The following CACYBP variants were observed in gnomAD, a reference collection of about 807,000 sequenced individuals.
CACYBP encodes the protein calcyclin binding protein, also known as calcyclin-binding protein.
Under a neutral mutation model 29.6 loss-of-function variants are expected in CACYBP, and 11 were observed. The observed-to-expected ratio is 0.37, with a 90% CI of 0.23 to 0.61. The LOEUF is 0.61. CACYBP is among the 20% of genes least tolerant of loss of function. The pLI is 0.65. For synonymous variants in CACYBP, 73 were observed against 88.3 expected, an observed-to-expected ratio of 0.83 and a Z score of 0.97; for missense variants, 163 against 260.7, an observed-to-expected ratio of 0.63 and a Z score of 2.58.
At chr1:175,001,268 C>A (rs1272430479) in intron 1 of CACYBP, among the ~76,000 whole-genome samples, 1 of 152,138 alleles carries the variant, frequency 6.6e-6, no homozygotes, top group East Asian at 1.9e-4. Flanking sequence ...AGAGATCGTT[C>A]TCAGTTTAGG....
Position 175,008,712 on chromosome 1 carries a change from T to C in CACYBP, c.530+6T>C. On this transcript the variant is annotated splice_donor_region_variant and intron_variant, in intron 5 of 5. Transcript: ENST00000367679. ...AAGGAGTGCAAAGAAAAAGAGTGAG[T>C]CTACTTCCATTTTTTTAAAGAATTT... The C allele has an allele frequency of 7.4e-7, 1 of 1,345,632 alleles. No homozygotes were observed. Among genetic ancestry groups the C allele is most frequent in the South Asian group, 1.2e-5 (1 of 85,456 alleles). 83.4% of individuals were successfully genotyped at this position (1,345,632 alleles called of 1,614,324 possible).
chr1:175,008,974 G>C, intron 5 of CACYBP: 1 of 327,132 alleles, frequency 3.1e-6, no homozygotes, highest in Non-Finnish European at 5.6e-6. Context: ...GAGGGGCTTA[G>C]GTACCCCTGT....
In CACYBP at chr1:175,000,128, T is replaced by C. The variant is rs1489552429; in HGVS notation, c.-53T>C. 5.7e-6 allele frequency: 9 copies of C among 1,581,046 alleles called. No individual in the cohort carries two copies. Among genetic ancestry groups the C allele is most frequent in the Non-Finnish European group, 7.7e-6 (9 of 1,163,084 alleles). ...TTTGAGGGCTCGGCGCGGGGTTTCC[T>C]GTTCCTCCTTCTGCGCGGCTGCAGC... On this transcript the variant is annotated 5_prime_UTR_variant, in exon 1 of 6. Coordinates refer to ENST00000367679, the MANE Select transcript of CACYBP (RefSeq NM_014412.3).
intron 1 of CACYBP, among the ~76,000 whole-genome samples, chr1:175,001,562 T>A (rs1365927378): frequency 6.6e-6 from 1 of 152,236 alleles, no homozygotes; most frequent in Non-Finnish European, 1.5e-5. Flanking sequence ...GCATTTCATA[T>A]AAATGGAGTC....
chr1:175,000,022 GGC>G lies in CACYBP; in HGVS notation c.-157_-156del. 1 of 1,052,072 alleles carries G rather than the reference GGC, an allele frequency of 9.5e-7. No homozygotes were observed. Among genetic ancestry groups the G allele is most frequent in the Non-Finnish European group, 1.4e-6 (1 of 710,094 alleles). 65.2% of individuals were successfully genotyped at this position (1,052,072 alleles called of 1,614,324 possible). A position where few individuals can be genotyped will look rare whatever the true frequency, so the allele number is the denominator to read the frequency against. On this transcript the variant is annotated 5_prime_UTR_variant, in exon 1 of 6. Coordinates refer to ENST00000367679, the MANE Select transcript of CACYBP (RefSeq NM_014412.3). ...GGTTCGAGATCCGTCGCGTGCGGGA[GGC>G]GGGCCGCGATCTTGCGCAGGGTCGG...
At chr1:175,008,541 GT>G in intron 4 of CACYBP, 67 bp from the exon 5 acceptor site, 1 of 802,808 alleles carries the variant, frequency 1.2e-6, no homozygotes, top group South Asian at 1.5e-5. Context: ...ATAGATAATT[GT>G]TTTATAAATA....
rs570317327 is a variant in CACYBP at position 175,008,953 on chromosome 1, C to T, written c.530+247C>T. ...GTGCCCATTCCCAGATACTCTGTTT[C>T]GGTAGTTTGAGAGGGGCTTAGGTAC... On this transcript the variant is annotated intron_variant, in intron 5 of 5. Transcript: ENST00000367679. 23 of 386,674 alleles carry T rather than the reference C, an allele frequency of 5.9e-5. No individual in the cohort carries two copies. The Admixed American group carries it at 7.4e-4, about 12-fold the overall frequency. The allele number at this position is 386,674 out of a possible 1,614,324, so 24.0% of individuals were successfully genotyped here. A position where few individuals can be genotyped will look rare whatever the true frequency, so the allele number is the denominator to read the frequency against.
chr1:175,006,741 C>T lies in CACYBP; in HGVS notation c.236-4C>T, dbSNP rs1306700724. The T allele has an allele frequency of 3.2e-6, 5 of 1,547,284 alleles. No homozygotes were observed. The highest frequency in any genetic ancestry group is 4.5e-6 in the Non-Finnish European group (5 of 1,121,992). ...TACGTCCCATCTTTTGTTGTCGTTG[C>T]CAGGATGGGATCAGTCAGATAAGTT... On this transcript the variant is annotated splice_region_variant and splice_polypyrimidine_tract_variant and intron_variant, in intron 2 of 5. Transcript: ENST00000367679.
In CACYBP at chr1:175,004,697, A is replaced by G; in HGVS notation, c.99A>G (p.Lys33=). ...KRVRDALTAE[K]SKIETEIKNK... is the part of the protein sequence containing the mutation. ...TACGTGATGCCCTTACAGCTGAAAA[A>G]TCCAAGATTGAGACAGAAATCAAGA... Residue 33 remains lysine (K), a synonymous_variant, in exon 2 of 6, where the codon AAA becomes AAG. Transcript: ENST00000367679. 1 of 1,614,028 alleles carries G rather than the reference A, an allele frequency of 6.2e-7. No individual in the cohort carries two copies. The highest frequency in any genetic ancestry group is 1.1e-5 in the South Asian group (1 of 91,076).
intron 2 of CACYBP, among the ~76,000 whole-genome samples, chr1:175,006,098 T>A (rs925829908): frequency 2.6e-5 from 4 of 152,192 alleles, no homozygotes; most frequent in Non-Finnish European, 5.9e-5. Flanking sequence ...TTTCTACAAA[T>A]GTGATGGTAT....
At chr1:175,006,664 A>T in intron 2 of CACYBP, 81 bp from the exon 3 acceptor site, 1 of 676,904 alleles carries the variant, frequency 1.5e-6, no homozygotes, top group Non-Finnish European at 2.6e-6. Flanking sequence ...TACTTTCCTG[A>T]CTTATGAGCC....
At chr1:175,002,945 T>C (rs958108179) in intron 1 of CACYBP, among the ~76,000 whole-genome samples, 4 of 152,198 alleles carry the variant, frequency 2.6e-5, no homozygotes, top group African/African-American at 9.7e-5. Flanking sequence ...TTATTATGAA[T>C]TAGGAGTTGT....
intron 3 of CACYBP, 52 bp from the exon 4 acceptor site, chr1:175,007,046 A>G (rs1452670082): frequency 7.9e-7 from 1 of 1,263,776 alleles, no homozygotes; most frequent in Non-Finnish European, 1.1e-6. Flanking sequence ...CTATGGAGTA[A>G]GGGTACCTTT....
rs1275345326 is a variant in CACYBP, at chr1:175,010,829, G to A, written c.*750G>A. On this transcript the variant is annotated 3_prime_UTR_variant, in exon 6 of 6. Coordinates refer to ENST00000367679, the MANE Select transcript of CACYBP (RefSeq NM_014412.3). ...ACAGTTTTATGATTTATTTGTCTAG[G>A]AGTATGTCAGAAAAATCAGGCTTTT... 6.6e-6 allele frequency: 1 copy of A among 152,086 alleles called. No homozygotes were observed. Among genetic ancestry groups the A allele is most frequent in the Non-Finnish European group, 1.5e-5 (1 of 68,006 alleles). 9.4% of individuals were successfully genotyped at this position (152,086 alleles called of 1,614,324 possible).
In CACYBP at chr1:175,011,029, A is replaced by C. The variant is rs1672737499; in HGVS notation, c.*950A>C. ...TAAGGCTGGAGGATCACTTCAGCCCAGGAGTTTAAGGCTGCAGTGAGCTAT... is the reference window on the plus strand; with the variant it reads ...TAAGGCTGGAGGATCACTTCAGCCCCGGAGTTTAAGGCTGCAGTGAGCTAT... On this transcript the variant is annotated 3_prime_UTR_variant, in exon 6 of 6. Transcript: ENST00000367679. 6.6e-6 allele frequency: 1 copy of C among 150,848 alleles called. No homozygotes were observed. The highest frequency in any genetic ancestry group is 6.6e-5 in the Admixed American group (1 of 15,058). 9.3% of individuals were successfully genotyped at this position (150,848 alleles called of 1,614,324 possible). A position where few individuals can be genotyped will look rare whatever the true frequency, so the allele number is the denominator to read the frequency against.
Position 175,000,020 on chromosome 1 carries a change from GA to G in CACYBP, c.-160del. On this transcript the variant is annotated 5_prime_UTR_variant, in exon 1 of 6. Transcript: ENST00000367679. ...AAGGTTCGAGATCCGTCGCGTGCGG[GA>G]GGCGGGCCGCGATCTTGCGCAGGGT... is the stretch of plus-strand genomic sequence containing the variant. 1 of 1,029,130 alleles carries G rather than the reference GA, an allele frequency of 9.7e-7. No individual in the cohort carries two copies. The highest frequency in any genetic ancestry group is 1.4e-6 in the Non-Finnish European group (1 of 690,150). 63.7% of individuals were successfully genotyped at this position (1,029,130 alleles called of 1,614,324 possible). A position where few individuals can be genotyped will look rare whatever the true frequency, so the allele number is the denominator to read the frequency against.
chr1:175,009,213 A>G (rs1311370759), intron 5 of CACYBP, among the ~76,000 whole-genome samples: 2 of 152,208 alleles, frequency 1.3e-5, no homozygotes, highest in African/African-American at 4.8e-5. Context: ...TTTTCTAATT[A>G]AAAAATACAT....
At chr1:175,008,805 A>T in intron 5 of CACYBP, 99 bp downstream of exon 5, 1 of 697,166 alleles carries the variant, frequency 1.4e-6, no homozygotes, top group Non-Finnish European at 2.6e-6. Context: ...TCTGCTTTCA[A>T]CTGTCAAACT....
intron 5 of CACYBP, among the ~76,000 whole-genome samples, chr1:175,009,091 A>ATG (rs1302554897): frequency 3.7e-4 from 57 of 152,232 alleles, no homozygotes; most frequent in African/African-American, 1.4e-3. Context: ...CCTTTTAAAA[A>ATG]TGTGTATTCA....
Sources: allele counts gnomAD v4.1 joint callset (sites outside exome capture counted in the v4.1 genomes callset), GRCh38; gene constraint gnomAD v4.1.1; transcripts MANE v1.5; gene names NCBI Gene and HGNC (gene_info 2026-07-23, HGNC 2026-07-21).